The following DRAM1 variants were observed in gnomAD, a reference collection of about 807,000 sequenced individuals.
The protein encoded by DRAM1 is DNA damage-regulated autophagy modulator protein 1.
Under a neutral mutation model 28.5 loss-of-function variants are expected in DRAM1, and 25 were observed. The observed-to-expected ratio is 0.88, with a 90% confidence interval of 0.64 to 1.23. The LOEUF (loss-of-function observed/expected upper bound fraction) is 1.23, where lower values mean the gene tolerates loss of function less well. DRAM1 is among the 50% of genes most tolerant of loss of function. The pLI is 0.00. For synonymous variants in DRAM1, 113 were observed against 114.2 expected (o/e 0.99, Z 0.07); for missense variants, 249 against 299.2 (o/e 0.83, Z 1.24).
chr12:101,908,564 G>A (rs936470333), intron 4 of DRAM1, among the ~76,000 whole-genome samples: 2 of 152,212 alleles, frequency 1.3e-5, no homozygotes, highest in Non-Finnish European at 1.5e-5. Context: ...GAATGGAAAA[G>A]TACTAAAAGG....
intron 3 of DRAM1, 27 bp from the exon 4 acceptor site, chr12:101,908,159 A>G (rs752505608): frequency 1.3e-5 from 20 of 1,585,576 alleles, no homozygotes; most frequent in Middle Eastern, 1.9e-4. Flanking sequence ...CACCCAGAGT[A>G]ACACACATTT....
intron 5 of DRAM1, among the ~76,000 whole-genome samples, chr12:101,919,308 T>C (rs917589548): frequency 4.4e-5 from 6 of 136,124 alleles, no homozygotes; most frequent in Non-Finnish European, 7.6e-5. Context: ...ACACACACGG[T>C]TTTGTTTTTT....
chr12:101,894,561 A>G (rs569592333), intron 1 of DRAM1, among the ~76,000 whole-genome samples: 1 of 151,738 alleles, frequency 6.6e-6, no homozygotes, highest in Non-Finnish European at 1.5e-5. Flanking sequence ...CTCCACCTGT[A>G]TGGTTTTAAA....
chr12:101,880,045 T>C (rs1403550735), intron 1 of DRAM1, among the ~76,000 whole-genome samples: 1 of 151,268 alleles, frequency 6.6e-6, no homozygotes, highest in Non-Finnish European at 1.5e-5. Context: ...CTTCTTTTGT[T>C]TGTTTGTTTG....
At chr12:101,893,693 G>A (rs932106433) in intron 1 of DRAM1, among the ~76,000 whole-genome samples, 5 of 152,046 alleles carry the variant, frequency 3.3e-5, no homozygotes, top group Non-Finnish European at 2.9e-5. Flanking sequence ...AAGATGAAAT[G>A]AACTGATATA....
chr12:101,901,555 A>G (rs1163287627), intron 3 of DRAM1, 122 bp downstream of exon 3: 14 of 1,223,388 alleles, frequency 1.1e-5, no homozygotes, highest in South Asian at 1.5e-5. Context: ...TGAGTTTACA[A>G]TAAGTGGGTT....
At chr12:101,902,539 T>A (rs1873645592) in intron 3 of DRAM1, among the ~76,000 whole-genome samples, 1 of 152,272 alleles carries the variant, frequency 6.6e-6, no homozygotes, top group South Asian at 2.1e-4. Flanking sequence ...TCTAGTACAG[T>A]GTGGTTATGG....
At chr12:101,888,038 A>G (rs1256819947) in intron 1 of DRAM1, among the ~76,000 whole-genome samples, 1 of 152,210 alleles carries the variant, frequency 6.6e-6, no homozygotes, top group Non-Finnish European at 1.5e-5. Flanking sequence ...TTTACAGTGC[A>G]GTGATTATAA....
At position 101,889,535 on chromosome 12, in the gene DRAM1, G is replaced by A. The variant is rs563201591; in HGVS notation, c.132-8328G>A. 7.3e-5 allele frequency among the ~76,000 whole-genome samples: 11 copies of A among 150,796 alleles called. No homozygotes were observed. The South Asian group carries it at 2.1e-3, about 29-fold the overall frequency. ...GGAAGGAAAGGAAGGAAGGAAGGAAGGAAAAGAAGGCAGGAAAAAAGGAAA... is the reference window on the plus strand; with the variant it reads ...GGAAGGAAAGGAAGGAAGGAAGGAAAGAAAAGAAGGCAGGAAAAAAGGAAA... On this transcript the variant is annotated intron_variant, in intron 1 of 6. Transcript: ENST00000258534.
chr12:101,886,686 C>A (rs1449582737), intron 1 of DRAM1, among the ~76,000 whole-genome samples: 1 of 152,206 alleles, frequency 6.6e-6, no homozygotes, highest in Non-Finnish European at 1.5e-5. Context: ...TAGGTACTTG[C>A]TTCTCTTACC....
At chr12:101,884,938 T>G (rs1032908057) in intron 1 of DRAM1, among the ~76,000 whole-genome samples, 2 of 152,010 alleles carry the variant, frequency 1.3e-5, no homozygotes, top group Admixed American at 6.6e-5. Context: ...AAAATGTTTT[T>G]TTTTTTTTTT....
rs545205706 is a variant in DRAM1 at position 101,919,284 on chromosome 12, G to GCACA, written c.580-807_580-804dup. ...TCCACAGACACACAGACACACACAC[G>GCACA]CACACACACACACACACACACGGTT... On this transcript the variant is annotated intron_variant, in intron 5 of 6. Coordinates refer to ENST00000258534, the MANE Select transcript of DRAM1 (RefSeq NM_018370.3). Among the ~76,000 whole-genome samples the GCACA allele has an allele frequency of 7.4e-4, 109 of 147,604 alleles. 1 individual carries two copies. The highest frequency in any genetic ancestry group is 1.3e-3 in the Admixed American group (19 of 14,706).
chr12:101,920,293 C>CTTTTTT (rs1874429934), intron 6 of DRAM1, 92 bp downstream of exon 6: 1 of 262,190 alleles, frequency 3.8e-6, no homozygotes, highest in South Asian at 7.3e-5. Context: ...AAAAAGAGCA[C>CTTTTTT]TTTCTTTTTT....
intron 1 of DRAM1, among the ~76,000 whole-genome samples, chr12:101,889,781 A>C (rs1037963537): frequency 2.0e-5 from 3 of 151,936 alleles, no homozygotes; most frequent in African/African-American, 7.2e-5. Flanking sequence ...CTCTACTAAA[A>C]ATACAAAAAT....
intron 4 of DRAM1, among the ~76,000 whole-genome samples, chr12:101,913,203 A>C (rs558511514): frequency 6.6e-6 from 1 of 152,270 alleles, no homozygotes; most frequent in South Asian, 2.1e-4. Context: ...GACTGTAGGC[A>C]TGTGTCAGTC....
At chr12:101,907,199 C>CAAAA (rs397965756) in intron 3 of DRAM1, among the ~76,000 whole-genome samples, 2,630 of 84,902 alleles carry the variant, frequency 0.031, 76 homozygotes, top group African/African-American at 0.045. Context: ...GACCCTGTCT[C>CAAAA]AAAAAAAAAA....
chr12:101,887,205 G>GA lies in DRAM1; in HGVS notation c.131+9292dup, dbSNP rs947671849. 4.8e-4 allele frequency among the ~76,000 whole-genome samples: 73 copies of GA among 151,654 alleles called. 1 individual carries two copies. The highest frequency in any genetic ancestry group is 1.8e-3 in the African/African-American group (73 of 41,386). On this transcript the variant is annotated intron_variant, in intron 1 of 6. Transcript: ENST00000258534. ...AAGATTAAAAAGAGACAAATTGTCC[G>GA]AAAAAAATTTGTAGCCTTTTTGGTA...
At position 101,911,736 on chromosome 12, in the gene DRAM1, A is replaced by G. The variant is rs532126495; in HGVS notation, c.521-2438A>G. On this transcript the variant is annotated intron_variant, in intron 4 of 6. Transcript: ENST00000258534. Reference sequence around the variant, plus strand: ...ATTTGATAAGAAACAGAAGTAAAATATCTCAATAATTTTTTATATTATTAC... The same window carrying G: ...ATTTGATAAGAAACAGAAGTAAAATGTCTCAATAATTTTTTATATTATTAC... Among the ~76,000 whole-genome samples, 32 of 144,006 alleles carry G rather than the reference A, an allele frequency of 2.2e-4. No individual in the cohort carries two copies. In the Middle Eastern group the frequency reaches 0.011, roughly 50 times the overall value. 94.5% of individuals were successfully genotyped at this position (144,006 alleles called of 152,430 possible).
chr12:101,921,040 A>AATT (rs1002059422), intron 6 of DRAM1, among the ~76,000 whole-genome samples, 176 bp from the exon 7 acceptor site: 1 of 152,232 alleles, frequency 6.6e-6, no homozygotes, highest in Non-Finnish European at 1.5e-5. Flanking sequence ...GAAACAAGTG[A>AATT]ATTATTAGCT....
Sources: gnomAD v4.1 joint callset for allele counts (sites outside exome capture counted in the v4.1 genomes callset) on GRCh38, gnomAD v4.1.1 for gene constraint, MANE v1.5 for transcripts, NCBI Gene and HGNC (gene_info 2026-07-23, HGNC 2026-07-21) for gene names.